FRMPD4: variants seen among roughly 807,000 people sequenced by gnomAD.
The protein encoded by FRMPD4 is FERM and PDZ domain-containing protein 4.
FRMPD4 carries 22 observed loss-of-function variants against 94.1 expected under a neutral mutation model. The ratio of observed to expected loss-of-function variants is 0.23; its 90% CI spans 0.17 to 0.33. The LOEUF is 0.33. Among genes scored for constraint, FRMPD4 ranks in the 10% least tolerant of loss-of-function variants. The probability of loss-of-function intolerance (pLI) is 1.00; values close to 1 mark genes in which losing one functional copy is unlikely to be tolerated. For missense variants in FRMPD4, 1,111 were observed against 1,339.9 expected (o/e 0.83, Z 2.67); for synonymous variants, 631 against 548.6 (o/e 1.15, Z -2.10).
intron 2 of FRMPD4, among the ~76,000 whole-genome samples, chrX:12,526,132 C>T (rs2148280398): frequency 8.9e-6 from 1 of 112,212 alleles, no homozygotes; most frequent in African/African-American, 3.2e-5. Context: ...GAAATGCCTC[C>T]TCACAGGAGC....
chrX:12,706,974 G>A lies in FRMPD4; in HGVS notation c.1287+59G>A, dbSNP rs1459254559. On this transcript the variant is annotated intron_variant, in intron 12 of 16. Coordinates refer to ENST00000675598, the MANE Select transcript of FRMPD4 (RefSeq NM_001368397.1). ...CTTGGAAGCCACAGCAGCTCATTCC[G>A]CCTCTGATGACAAAAGCAAATCAGC... The A allele has an allele frequency of 1.8e-4, 103 of 566,935 alleles. No homozygotes were observed. In the South Asian group the frequency reaches 2.3e-3, roughly 12 times the overall value. 46.7% of individuals were successfully genotyped at this position (566,935 alleles called of 1,213,427 possible).
intron 4 of FRMPD4, among the ~76,000 whole-genome samples, chrX:12,652,130 G>A (rs890514650): frequency 8.9e-6 from 1 of 112,065 alleles, no homozygotes; most frequent in African/African-American, 3.2e-5. Context: ...TTCTTCCATG[G>A]CCCTCTACCT....
At chrX:12,641,287 C>A (rs559506225) in intron 4 of FRMPD4, among the ~76,000 whole-genome samples, 8 of 110,894 alleles carry the variant, frequency 7.2e-5, no homozygotes, top group Non-Finnish European at 1.5e-4. Context: ...CACAGGGAAG[C>A]TCCAGATACT....
chrX:12,165,846 CTGTT>C (rs1275215764), intron 1 of FRMPD4, among the ~76,000 whole-genome samples: 4 of 110,964 alleles, frequency 3.6e-5, no homozygotes, highest in Non-Finnish European at 5.7e-5. Flanking sequence ...ATTTGGCTCT[CTGTT>C]TGTCTGTTAT....
intron 1 of FRMPD4, among the ~76,000 whole-genome samples, chrX:12,327,371 G>T (rs755424707): frequency 4.2e-4 from 47 of 111,705 alleles, no homozygotes; most frequent in African/African-American, 1.5e-3. Flanking sequence ...ATTACCAAGG[G>T]ACTTAATTTC....
At chrX:12,517,830 A>G (rs1005324908) in intron 2 of FRMPD4, among the ~76,000 whole-genome samples, 15 of 112,793 alleles carry the variant, frequency 1.3e-4, no homozygotes, top group South Asian at 7.3e-4. Context: ...TGATCCATGG[A>G]GACTGTGGCC....
intron 1 of FRMPD4, among the ~76,000 whole-genome samples, chrX:11,852,350 G>C (rs761933170): frequency 9.5e-6 from 1 of 104,733 alleles, no homozygotes; most frequent in African/African-American, 3.5e-5. Flanking sequence ...GCTGAGGTAG[G>C]AGAATTGCCT....
intron 3 of FRMPD4, among the ~76,000 whole-genome samples, chrX:11,902,705 G>T (rs1346288703): frequency 9.0e-6 from 1 of 111,313 alleles, no homozygotes; most frequent in Non-Finnish European, 1.9e-5. Flanking sequence ...AATTTTCTCT[G>T]TGGCTGCTCA....
intron 2 of FRMPD4, among the ~76,000 whole-genome samples, chrX:12,548,197 A>G (rs772286573): frequency 1.8e-5 from 2 of 112,234 alleles, no homozygotes; most frequent in East Asian, 5.6e-4. Flanking sequence ...GAGATGTCTG[A>G]AAAGTATCTT....
chrX:12,068,208 G>A (rs1390008485), intron 3 of FRMPD4, among the ~76,000 whole-genome samples: 2 of 111,747 alleles, frequency 1.8e-5, no homozygotes, highest in African/African-American at 6.5e-5. Flanking sequence ...CTCTCCTACA[G>A]ACTCTAGACG....
At chrX:12,117,468 T>C (rs769356158) in intron 3 of FRMPD4, among the ~76,000 whole-genome samples, 1 of 111,168 alleles carries the variant, frequency 9.0e-6, no homozygotes, top group Non-Finnish European at 1.9e-5. Context: ...ATGTCTGTCA[T>C]CTCAGCCCAT....
At chrX:12,149,938 TGAC>T (rs10560499) in intron 1 of FRMPD4, among the ~76,000 whole-genome samples, 4,208 of 111,891 alleles carry the variant, frequency 0.038, 197 homozygotes, top group African/African-American at 0.13. Context: ...AGCAGAAATA[TGAC>T]GACTCACTAA....
At chrX:12,075,689 C>T (rs777808203) in intron 3 of FRMPD4, among the ~76,000 whole-genome samples, 17 of 111,581 alleles carry the variant, frequency 1.5e-4, no homozygotes, top group Admixed American at 4.8e-4. Context: ...ATGATAATCA[C>T]GGAGCAGCAA....
chrX:12,349,652 T>G (rs548768165), intron 1 of FRMPD4, among the ~76,000 whole-genome samples: 1 of 111,612 alleles, frequency 9.0e-6, no homozygotes, highest in South Asian at 3.8e-4. Flanking sequence ...GAAACTGAAA[T>G]GAGTATTATG....
chrX:12,326,007 C>T lies in FRMPD4; in HGVS notation c.42-172673C>T, dbSNP rs144046403. On this transcript the variant is annotated intron_variant, in intron 1 of 16. Transcript: ENST00000675598. ...TTATCTGGCCCACCAATAATTTTCA[C>T]TTCCTACTCTAGGTCTTCTCAGATG... is the stretch of plus-strand genomic sequence containing the variant. 8.8e-3 allele frequency among the ~76,000 whole-genome samples: 989 copies of T among 112,330 alleles called. 11 individuals carry two copies. The highest frequency in any genetic ancestry group is 0.031 in the African/African-American group (951 of 30,923).
At chrX:12,711,643 A>G (rs1316835936) in intron 14 of FRMPD4, among the ~76,000 whole-genome samples, 3 of 110,964 alleles carry the variant, frequency 2.7e-5, no homozygotes, top group Non-Finnish European at 5.7e-5. Flanking sequence ...ACAGCCACTG[A>G]GCCATTAAAA....
chrX:12,259,955 G>C (rs5978506), intron 1 of FRMPD4, among the ~76,000 whole-genome samples: 1,678 of 111,829 alleles, frequency 0.015, 40 homozygotes, highest in African/African-American at 0.052. Context: ...GCAAAGTAAG[G>C]ATTGTTATTT....
intron 1 of FRMPD4, among the ~76,000 whole-genome samples, chrX:11,837,326 G>T (rs2053506613): frequency 9.0e-6 from 1 of 111,433 alleles, no homozygotes; most frequent in Non-Finnish European, 1.9e-5. Context: ...AATTCTTTAA[G>T]ATAGGAGTCT....
chrX:12,444,088 T>A (rs372414233), intron 1 of FRMPD4, among the ~76,000 whole-genome samples: 3 of 111,023 alleles, frequency 2.7e-5, no homozygotes, highest in East Asian at 5.6e-4. Flanking sequence ...TCACTGTATG[T>A]TGTTCTGCCC....
Sources: allele counts gnomAD v4.1 joint callset (sites outside exome capture counted in the v4.1 genomes callset), GRCh38; gene constraint gnomAD v4.1.1; transcripts MANE v1.5; gene names NCBI Gene and HGNC (gene_info 2026-07-23, HGNC 2026-07-21).